The following HHLA2 variants were observed in gnomAD, a reference collection of about 807,000 sequenced individuals.
The protein encoded by HHLA2 is HHLA2 member of B7 family, also known as HERV-H LTR-associating protein 2.
Under a neutral mutation model 45.9 loss-of-function variants are expected in HHLA2, and 48 were observed. The observed-to-expected ratio is 1.05, with a 90% CI of 0.83 to 1.33. The LOEUF (loss-of-function observed/expected upper bound fraction) is 1.33, where lower values mean the gene tolerates loss of function less well. Ranked by LOEUF, HHLA2 falls within the 40% of genes most tolerant of loss-of-function variation. The probability of loss-of-function intolerance (pLI) is 0.00; values close to 1 mark genes in which losing one functional copy is unlikely to be tolerated. For synonymous variants in HHLA2, 161 were observed against 173.9 expected (o/e 0.93, Z 0.59); for missense variants, 462 against 494.3 (o/e 0.93, Z 0.62).
chr3:108,323,044 TTTTGTTTG>T (rs112444005), intron 2 of HHLA2, among the ~76,000 whole-genome samples: 4 of 151,448 alleles, frequency 2.6e-5, no homozygotes, highest in African/African-American at 9.7e-5. Context: ...TTGCTGACTT[TTTTGTTTG>T]TTTGTTTGTT....
intron 8 of HHLA2, among the ~76,000 whole-genome samples, chr3:108,363,954 T>C (rs1490525655): frequency 6.7e-6 from 1 of 149,102 alleles, no homozygotes; most frequent in Non-Finnish European, 1.5e-5. Flanking sequence ...TTAGTTGCCT[T>C]GTAAGGAGAG....
intron 1 of HHLA2, among the ~76,000 whole-genome samples, chr3:108,298,409 C>T (rs2107270232): frequency 6.6e-6 from 1 of 152,326 alleles, no homozygotes; most frequent in Non-Finnish European, 1.5e-5. Flanking sequence ...AACATGTACA[C>T]ACCTTTCCTT....
exon 6 of HHLA2, chr3:108,355,264 T>G: frequency 6.2e-7 from 1 of 1,613,870 alleles, no homozygotes; most frequent in East Asian, 2.2e-5. Flanking sequence ...AACAGGGTCT[T>G]TGGATTCTTT....
intron 8 of HHLA2, among the ~76,000 whole-genome samples, chr3:108,365,092 AT>A (rs2082042956): frequency 6.6e-6 from 1 of 152,134 alleles, no homozygotes; most frequent in Admixed American, 6.5e-5. Context: ...CCTGAATGAT[AT>A]TGCCTAGGTT....
At chr3:108,337,989 G>T (rs964294981) in intron 3 of HHLA2, among the ~76,000 whole-genome samples, 7 of 152,096 alleles carry the variant, frequency 4.6e-5, no homozygotes, top group Admixed American at 2.0e-4. Context: ...TCAGTGTATG[G>T]CCTCACCAAT....
At chr3:108,378,029 T>C (rs910388227) in exon 11 of HHLA2, 2 of 152,224 alleles carry the variant, frequency 1.3e-5, no homozygotes, top group Non-Finnish European at 2.9e-5. Context: ...CTGATCAATG[T>C]ACTTTGTAAT....
At chr3:108,303,422 T>C (rs921498851) in intron 1 of HHLA2, among the ~76,000 whole-genome samples, 1 of 152,232 alleles carries the variant, frequency 6.6e-6, no homozygotes, top group African/African-American at 2.4e-5. Context: ...TAGCTCTACA[T>C]TCTTATTAGT....
rs973735876 is a variant in HHLA2 at position 108,335,835 on chromosome 3, C to T, written c.-27+7488C>T. On this transcript the variant is annotated intron_variant, in intron 3 of 10. Coordinates refer to ENST00000619531, the Ensembl canonical transcript of HHLA2. ...TGATAGGGGCTTTGTACAGACTCCA[C>T]CACACAGTATTTCCCTCATCAAAGC... Among the ~76,000 whole-genome samples the T allele has an allele frequency of 2.0e-5, 3 of 152,124 alleles. No individual in the cohort carries two copies. The East Asian group carries it at 5.8e-4, about 29-fold the overall frequency.
At chr3:108,331,074 AC>A (rs1278331657) in intron 3 of HHLA2, among the ~76,000 whole-genome samples, 2 of 152,050 alleles carry the variant, frequency 1.3e-5, no homozygotes, top group African/African-American at 4.8e-5. Context: ...GGTGTTTCAA[AC>A]CTGGGCATCC....
In HHLA2 at chr3:108,374,011, G is replaced by A. The variant is rs966160040; in HGVS notation, c.1109-1739G>A. 6.0e-5 allele frequency among the ~76,000 whole-genome samples: 9 copies of A among 150,060 alleles called. No individual in the cohort carries two copies. In the East Asian group the frequency reaches 7.7e-4, roughly 13 times the overall value. ...TTCATATGGAACCAAAAAAGAGCCCGCATTGCCAAGTCAATCCTAAGCCAA... is the reference window on the plus strand; with the variant it reads ...TTCATATGGAACCAAAAAAGAGCCCACATTGCCAAGTCAATCCTAAGCCAA... On this transcript the variant is annotated intron_variant, in intron 8 of 10. Coordinates refer to ENST00000619531, the Ensembl canonical transcript of HHLA2.
rs755622094 is a variant in HHLA2, at chr3:108,357,837, T to C, written c.686-7T>C. The stretch of plus-strand genomic sequence containing the variant: ...CATTGATGTTTTCTTTTCTATTGTG[T>C]TGTTAGATGGCCTTCATAAAATGCA... On this transcript the variant is annotated splice_polypyrimidine_tract_variant and splice_region_variant and intron_variant, in intron 6 of 10. Transcript: ENST00000619531. 25 of 1,591,608 alleles carry C rather than the reference T, an allele frequency of 1.6e-5. No individual in the cohort carries two copies. Among genetic ancestry groups the C allele is most frequent in the Non-Finnish European group, 2.1e-5 (24 of 1,168,054 alleles).
intron 3 of HHLA2, among the ~76,000 whole-genome samples, chr3:108,338,649 T>C (rs2081514708): frequency 6.6e-6 from 1 of 152,204 alleles, no homozygotes. Context: ...GAAAGAGCCC[T>C]TGTTTAATTT....
rs551544364 is a variant in HHLA2, at chr3:108,311,552, T to G, written c.-105+811T>G. 7.9e-5 allele frequency among the ~76,000 whole-genome samples: 12 copies of G among 152,246 alleles called. No homozygotes were observed. The South Asian group carries it at 2.3e-3, about 29-fold the overall frequency. ...TACTACCTTCAAAAATCCTCCAACT[T>G]TTCTAGAGCCAAGCTCTAGAAAAAG... On this transcript the variant is annotated intron_variant, in intron 2 of 10. Transcript: ENST00000619531.
At chr3:108,361,601 A>G (rs2081985977) in intron 7 of HHLA2, among the ~76,000 whole-genome samples, 1 of 152,222 alleles carries the variant, frequency 6.6e-6, no homozygotes, top group Non-Finnish European at 1.5e-5. Flanking sequence ...CTACAGTAAG[A>G]AAGAATCTTC....
chr3:108,306,919 G>A (rs776412139), intron 1 of HHLA2, among the ~76,000 whole-genome samples: 36 of 151,876 alleles, frequency 2.4e-4, no homozygotes, highest in Non-Finnish European at 4.6e-4. Context: ...GCAATGGCAC[G>A]ATCTCGGCTC....
chr3:108,312,421 T>G (rs2081035379), intron 2 of HHLA2, among the ~76,000 whole-genome samples: 1 of 152,240 alleles, frequency 6.6e-6, no homozygotes, highest in Non-Finnish European at 1.5e-5. Flanking sequence ...TAGGGCCTGT[T>G]GATGTCCTGC....
In HHLA2 at chr3:108,358,086, TCAGA is replaced by T. The variant is rs757749916; in HGVS notation, c.932_935del (p.Asp311ValfsTer23). On this transcript the variant is annotated frameshift_variant, in exon 7 of 11. Transcript: ENST00000619531. LOFTEE classifies it high-confidence loss of function. Reference sequence around the variant, plus strand: ...TATGAATTTGATGGATCTTAATCTTTCAGACAGTGGGGAATATTTATGCAATATT... The same window carrying T: ...TATGAATTTGATGGATCTTAATCTTTCAGTGGGGAATATTTATGCAATATT... 3.7e-6 allele frequency: 6 copies of T among 1,613,682 alleles called. No individual in the cohort carries two copies. The highest frequency in any genetic ancestry group is 5.1e-6 in the Non-Finnish European group (6 of 1,179,768).
At chr3:108,305,492 A>G (rs1208894447) in intron 1 of HHLA2, among the ~76,000 whole-genome samples, 1 of 152,218 alleles carries the variant, frequency 6.6e-6, no homozygotes, top group Non-Finnish European at 1.5e-5. Context: ...CCTGTTGGTT[A>G]AAATTTACCT....
At chr3:108,362,856 C>G (rs948467465) in intron 8 of HHLA2, among the ~76,000 whole-genome samples, 1 of 151,960 alleles carries the variant, frequency 6.6e-6, no homozygotes, top group Non-Finnish European at 1.5e-5. Context: ...AAGAAAAAAG[C>G]CAAAGCTTTA....
Sources: gnomAD v4.1 joint callset for allele counts (sites outside exome capture counted in the v4.1 genomes callset) on GRCh38, gnomAD v4.1.1 for gene constraint, MANE v1.5 for transcripts, NCBI Gene and HGNC (gene_info 2026-07-23, HGNC 2026-07-21) for gene names.